OPRM1: variants seen among roughly 807,000 people sequenced by gnomAD.
OPRM1 encodes the protein mu-type opioid receptor.
A neutral mutation model predicts 31.8 loss-of-function variants in OPRM1; 27 were observed. The ratio of observed to expected loss-of-function variants is 0.85; its 90% CI spans 0.63 to 1.17. The LOEUF (loss-of-function observed/expected upper bound fraction) is 1.17. Ranked by LOEUF, OPRM1 falls within the 50% of genes most tolerant of loss-of-function variation. The pLI, the probability that OPRM1 is intolerant of heterozygous loss-of-function variation, is 0.00. For synonymous variants in OPRM1, 196 were observed against 189.9 expected (o/e 1.03, Z -0.26); for missense variants, 536 against 511.1 (o/e 1.05, Z -0.47).
intron 3 of OPRM1, among the ~76,000 whole-genome samples, chr6:154,110,886 CAAAAAAAAAA>C (rs374739553): frequency 4.7e-5 from 3 of 63,610 alleles, no homozygotes; most frequent in Non-Finnish European, 6.0e-5. Context: ...GACTCCGTCT[CAAAAAAAAAA>C]AAAAAAAAAA....
chr6:154,093,970 G>A (rs561258991), intron 3 of OPRM1, among the ~76,000 whole-genome samples: 68 of 152,312 alleles, frequency 4.5e-4, no homozygotes, highest in African/African-American at 1.6e-3. Context: ...GACATGTTAA[G>A]TTAGTTGTAC....
At chr6:154,217,906 G>C (rs778463329) in intron 3 of OPRM1, among the ~76,000 whole-genome samples, 3 of 152,198 alleles carry the variant, frequency 2.0e-5, no homozygotes, top group Admixed American at 6.5e-5. Context: ...CATGGAAATA[G>C]AGCAAAATAG....
intron 3 of OPRM1, among the ~76,000 whole-genome samples, chr6:154,198,078 T>C (rs531485709): frequency 1.4e-4 from 22 of 152,266 alleles, no homozygotes; most frequent in African/African-American, 4.8e-4. Context: ...CAATATTCAA[T>C]GAAAATGTTT....
At chr6:154,195,895 A>C (rs1349149589) in intron 3 of OPRM1, among the ~76,000 whole-genome samples, 2 of 150,836 alleles carry the variant, frequency 1.3e-5, no homozygotes, top group African/African-American at 4.9e-5. Context: ...AGGTTCAAGC[A>C]ATTCTCCTGC....
At chr6:154,043,557 ATT>A (rs1287583835) in intron 1 of OPRM1, among the ~76,000 whole-genome samples, 1 of 151,564 alleles carries the variant, frequency 6.6e-6, no homozygotes, top group South Asian at 2.1e-4. Context: ...ATATATATAA[ATT>A]CACACACACA....
intron 3 of OPRM1, among the ~76,000 whole-genome samples, chr6:154,141,575 T>C (rs1798212402): frequency 6.6e-6 from 1 of 152,232 alleles, no homozygotes. Flanking sequence ...CCTGACGACA[T>C]GTGCCCAAGG....
intron 3 of OPRM1, among the ~76,000 whole-genome samples, chr6:154,138,497 T>A (rs1562503955): frequency 6.6e-6 from 1 of 152,162 alleles, no homozygotes; most frequent in South Asian, 2.1e-4. Context: ...CTTTCTGGGT[T>A]GAGCATATGG....
At chr6:154,230,990 C>G (rs1779669627) in intron 3 of OPRM1, among the ~76,000 whole-genome samples, 1 of 152,162 alleles carries the variant, frequency 6.6e-6, no homozygotes, top group Admixed American at 6.5e-5. Context: ...CAATGACTAT[C>G]TGAATCAGCC....
intron 1 of OPRM1, among the ~76,000 whole-genome samples, chr6:154,014,201 T>C (rs949400723): frequency 1.3e-5 from 2 of 152,034 alleles, no homozygotes; most frequent in African/African-American, 2.4e-5. Flanking sequence ...CATAAGGCAG[T>C]ATGGAAGAAA....
chr6:154,099,866 C>A (rs1028228175), intron 3 of OPRM1, among the ~76,000 whole-genome samples: 1 of 143,616 alleles, frequency 7.0e-6, no homozygotes, highest in Non-Finnish European at 1.5e-5. Context: ...TATATATTAT[C>A]ATATGATATA....
At chr6:154,176,313 T>C (rs1800324581) in intron 3 of OPRM1, among the ~76,000 whole-genome samples, 1 of 152,180 alleles carries the variant, frequency 6.6e-6, no homozygotes, top group South Asian at 2.1e-4. Flanking sequence ...GTAATGGAAG[T>C]TCTGGCCAAA....
rs1162690611 is a variant in OPRM1 at position 154,121,376 on chromosome 6, C to A, written c.*2655C>A. ...GAAAGGAAAGAAGAGGAAAGAGACT[C>A]GCTGGAGCACTGGTGAGTCTCTAGG... On this transcript the variant is annotated 3_prime_UTR_variant, in exon 4 of 4. Transcript: ENST00000330432. 6.6e-6 allele frequency among the ~76,000 whole-genome samples: 1 copy of A among 152,188 alleles called. No homozygotes were observed. Among genetic ancestry groups the A allele is most frequent in the Non-Finnish European group, 1.5e-5 (1 of 68,038 alleles).
chr6:154,222,696 A>C (rs1368849567), intron 3 of OPRM1, among the ~76,000 whole-genome samples: 2 of 152,174 alleles, frequency 1.3e-5, no homozygotes, highest in Non-Finnish European at 2.9e-5. Flanking sequence ...TTTGGATTTC[A>C]ATTAGATCAG....
intron 3 of OPRM1, among the ~76,000 whole-genome samples, chr6:154,144,257 A>T (rs1031437586): frequency 6.6e-6 from 1 of 152,252 alleles, no homozygotes; most frequent in Non-Finnish European, 1.5e-5. Context: ...AAGAATTTAC[A>T]TCAATTCTAC....
At chr6:154,215,907 ACACT>A (rs1778357264) in intron 3 of OPRM1, among the ~76,000 whole-genome samples, 1 of 152,234 alleles carries the variant, frequency 6.6e-6, no homozygotes, top group Admixed American at 6.5e-5. Flanking sequence ...TGAGAAATGC[ACACT>A]CAAACACAGG....
intron 3 of OPRM1, among the ~76,000 whole-genome samples, chr6:154,166,563 T>C (rs1198829277): frequency 6.6e-6 from 1 of 152,172 alleles, no homozygotes; most frequent in Non-Finnish European, 1.5e-5. Flanking sequence ...TAATCCACTG[T>C]CCCCCTTGGA....
chr6:154,010,585 T>C, exon 1 of OPRM1: 3 of 1,541,448 alleles, frequency 1.9e-6, no homozygotes, highest in Non-Finnish European at 8.8e-7. Context: ...AATACTCCTC[T>C]GAGCTCAAAG....
At chr6:154,037,904 A>G (rs543467508), upstream of OPRM1, among the ~76,000 whole-genome samples, 1 of 152,196 alleles carries the variant, frequency 6.6e-6, no homozygotes, top group East Asian at 1.9e-4. Flanking sequence ...AACTAAGCAC[A>G]AAGGAACTGA....
intron 3 of OPRM1, among the ~76,000 whole-genome samples, chr6:154,204,929 T>G (rs1286475211): frequency 6.6e-6 from 1 of 152,180 alleles, no homozygotes; most frequent in Non-Finnish European, 1.5e-5. Context: ...TCCACTCCTT[T>G]CTAGCCACAC....
Sources: gnomAD v4.1 joint callset for allele counts (sites outside exome capture counted in the v4.1 genomes callset) on GRCh38, gnomAD v4.1.1 for gene constraint, MANE v1.5 for transcripts, NCBI Gene and HGNC (gene_info 2026-07-23, HGNC 2026-07-21) for gene names.